IPO11: variants seen among roughly 807,000 people sequenced by gnomAD.
IPO11 encodes importin-11.
A neutral mutation model predicts 143.2 loss-of-function variants in IPO11; 66 were observed. The ratio of observed to expected loss-of-function variants is 0.46; its 90% CI spans 0.38 to 0.57. IPO11 has a LOEUF of 0.57. Ranked by LOEUF, IPO11 falls within the 20% of genes least tolerant of loss-of-function variation. The pLI is 0.00. For synonymous variants in IPO11, 385 were observed against 377.8 expected, an observed-to-expected ratio of 1.02 and a Z score of -0.22; for missense variants, 1,026 against 1,141.0, an observed-to-expected ratio of 0.90 and a Z score of 1.45.
intron 26 of IPO11, among the ~76,000 whole-genome samples, chr5:62,559,916 CAAAAAAA>C (rs759468696): frequency 6.5e-4 from 11 of 17,026 alleles, no homozygotes; most frequent in Non-Finnish European, 9.0e-4. Context: ...AACTCTGTCT[CAAAAAAA>C]AAAAAAAAAA....
intron 24 of IPO11, among the ~76,000 whole-genome samples, chr5:62,543,298 G>A (rs1234171388): frequency 6.6e-6 from 1 of 152,198 alleles, no homozygotes; most frequent in African/African-American, 2.4e-5. Context: ...GAATTCGGCT[G>A]TGAATCCGTC....
At chr5:62,609,469 A>G (rs1452153093) in intron 29 of IPO11, among the ~76,000 whole-genome samples, 1 of 152,242 alleles carries the variant, frequency 6.6e-6, no homozygotes, top group Non-Finnish European at 1.5e-5. Context: ...CAAGCTCCCT[A>G]GTGCCTAACA....
At chr5:62,601,684 C>A in intron 28 of IPO11, 80 bp from the exon 29 acceptor site, 1 of 605,700 alleles carries the variant, frequency 1.7e-6, no homozygotes, top group Non-Finnish European at 2.6e-6. Flanking sequence ...TATTCATGTT[C>A]TTAGTGATTT....
At chr5:62,568,023 T>G (rs1480826123) in intron 27 of IPO11, among the ~76,000 whole-genome samples, 3 of 152,032 alleles carry the variant, frequency 2.0e-5, no homozygotes, top group African/African-American at 7.3e-5. Flanking sequence ...TGAAGTGCAG[T>G]GGCACAATCA....
chr5:62,439,557 G>C (rs1744383887), intron 2 of IPO11, among the ~76,000 whole-genome samples: 1 of 151,228 alleles, frequency 6.6e-6, no homozygotes, highest in Admixed American at 6.6e-5. Context: ...AAAGTGCTGG[G>C]ATTACAGGCG....
chr5:62,431,740 G>C (rs1743995542), intron 1 of IPO11, among the ~76,000 whole-genome samples: 1 of 152,070 alleles, frequency 6.6e-6, no homozygotes, highest in Non-Finnish European at 1.5e-5. Context: ...CCAGGAGTTT[G>C]AGACCAGCCT....
intron 1 of IPO11, among the ~76,000 whole-genome samples, chr5:62,430,863 A>C (rs1743961269): frequency 1.3e-5 from 2 of 151,174 alleles, no homozygotes; most frequent in South Asian, 2.1e-4. Flanking sequence ...ATTTTAGTAG[A>C]AATGGGGTTT....
chr5:62,504,718 TA>T lies in IPO11; in HGVS notation c.1624+23del. 1 of 1,473,394 alleles carries T rather than the reference TA, an allele frequency of 6.8e-7. No homozygotes were observed. Among genetic ancestry groups the T allele is most frequent in the Non-Finnish European group, 9.3e-7 (1 of 1,079,590 alleles). The allele number at this position is 1,473,394 out of a possible 1,614,324, so 91.3% of individuals were successfully genotyped here. ...GAAGTTAAATATCCTTCTGAAAATTTAAAAATACTTCATTGCAAAGAACTTT... is the reference window on the plus strand; with the variant it reads ...GAAGTTAAATATCCTTCTGAAAATTTAAAATACTTCATTGCAAAGAACTTT... On this transcript the variant is annotated intron_variant, in intron 17 of 29. Transcript: ENST00000325324.
chr5:62,515,472 A>G lies in IPO11; in HGVS notation c.1867A>G (p.Ile623Val), dbSNP rs1266561441. The change falls in exon 20 of 30, where the codon ATT becomes GTT. Residue 623 changes from isoleucine (I) to valine (V), a missense_variant. This residue lies in a region of IPO11 where 237 missense variants were observed against 288.0 expected (regional missense o/e 0.82). Transcript: ENST00000325324. Reference protein sequence around the residue: ...SEEHNMLRCAILTTLIHLVQG... With the variant: ...SEEHNMLRCAVLTTLIHLVQG... ...AGAACACAATATGTTGAGATGTGCT[A>G]TTTTGACAACACTTATTCATCTTGT... 3 of 1,607,466 alleles carry G rather than the reference A, an allele frequency of 1.9e-6. No individual in the cohort carries two copies. The highest frequency in any genetic ancestry group is 2.7e-5 in the African/African-American group (2 of 74,650).
chr5:62,492,960 A>G (rs527923911), intron 15 of IPO11, among the ~76,000 whole-genome samples: 5 of 152,328 alleles, frequency 3.3e-5, no homozygotes, highest in Admixed American at 1.3e-4. Context: ...TCTTGCCACT[A>G]AAATTTACAT....
At chr5:62,624,461 G>A (rs1477956054) in intron 29 of IPO11, among the ~76,000 whole-genome samples, 2 of 122,332 alleles carry the variant, frequency 1.6e-5, no homozygotes, top group Non-Finnish European at 3.4e-5. Context: ...GCATGCTAAT[G>A]CATTATAATT....
At chr5:62,533,498 C>T (rs1742629146) in intron 22 of IPO11, among the ~76,000 whole-genome samples, 1 of 152,054 alleles carries the variant, frequency 6.6e-6, no homozygotes, top group African/African-American at 2.4e-5. Context: ...AGGCGTGAGC[C>T]ACCATGCCTG....
At chr5:62,497,662 T>C (rs778492454) in intron 16 of IPO11, among the ~76,000 whole-genome samples, 1 of 152,142 alleles carries the variant, frequency 6.6e-6, no homozygotes, top group Admixed American at 6.5e-5. Context: ...ATAGACGAGG[T>C]CTCACTGTGT....
At chr5:62,475,231 T>G (rs987622801) in intron 8 of IPO11, among the ~76,000 whole-genome samples, 12 of 152,014 alleles carry the variant, frequency 7.9e-5, no homozygotes, top group South Asian at 2.1e-4. Context: ...AAAAAAGATT[T>G]CCCTGAGGCC....
intron 27 of IPO11, among the ~76,000 whole-genome samples, chr5:62,570,688 C>T (rs796671251): frequency 8.9e-4 from 135 of 152,312 alleles, no homozygotes; most frequent in African/African-American, 3.0e-3. Flanking sequence ...TTTGATACTA[C>T]GTTCTCAATG....
intron 13 of IPO11, among the ~76,000 whole-genome samples, chr5:62,488,394 C>T (rs569605161): frequency 6.6e-6 from 1 of 152,222 alleles, no homozygotes; most frequent in Admixed American, 6.5e-5. Flanking sequence ...ATATTTTATT[C>T]CCAGTGCTGG....
intron 28 of IPO11, 63 bp downstream of exon 28, chr5:62,591,735 AT>A: frequency 2.8e-6 from 3 of 1,082,590 alleles, no homozygotes; most frequent in Admixed American, 2.3e-5. Context: ...ATGCTGCATG[AT>A]TTTTTTCACC....
chr5:62,488,238 A>G (rs548306910), intron 13 of IPO11, among the ~76,000 whole-genome samples: 1 of 152,324 alleles, frequency 6.6e-6, no homozygotes, highest in East Asian at 1.9e-4. Flanking sequence ...TTGAGAGAAA[A>G]TGATGATGTA....
intron 9 of IPO11, 109 bp from the exon 10 acceptor site, chr5:62,482,992 G>A (rs1746265242): frequency 1.4e-6 from 1 of 711,198 alleles, no homozygotes; most frequent in East Asian, 2.8e-5. Flanking sequence ...TCCACACTAA[G>A]GTTCAAACTG....
Sources: gnomAD v4.1 joint callset for allele counts (sites outside exome capture counted in the v4.1 genomes callset) on GRCh38, gnomAD v4.1.1 for gene constraint, gnomAD v4.1.1 regional missense constraint, MANE v1.5 for transcripts, NCBI Gene and HGNC (gene_info 2026-07-23, HGNC 2026-07-21) for gene names.